WDR75: variants seen among roughly 807,000 people sequenced by gnomAD.
The protein encoded by WDR75 is WD repeat-containing protein 75.
WDR75 carries 52 observed loss-of-function variants against 106.1 expected under a neutral mutation model. The ratio of observed to expected loss-of-function variants is 0.49; its 90% CI spans 0.39 to 0.62. The LOEUF (loss-of-function observed/expected upper bound fraction) is 0.62. Ranked by LOEUF, WDR75 falls within the 20% of genes least tolerant of loss-of-function variation. WDR75 has a pLI of 0.00. For missense variants in WDR75, 905 were observed against 970.3 expected (o/e 0.93, Z 0.89); for synonymous variants, 333 against 335.5 (o/e 0.99, Z 0.08).
chr2:189,452,090 T>C (rs1367860795), intron 4 of WDR75, 195 bp downstream of exon 4: 1 of 510,344 alleles, frequency 2.0e-6, no homozygotes, highest in Non-Finnish European at 3.5e-6. Context: ...GGAGGGATTA[T>C]TTTTTATGTG....
chr2:189,450,217 G>C lies in WDR75; in HGVS notation c.217-686G>C. The C allele has an allele frequency of 3.0e-6, 3 of 985,386 alleles. No homozygotes were observed. The African/African-American group carries it at 5.2e-5, about 17-fold the overall frequency. 61.0% of individuals were successfully genotyped at this position (985,386 alleles called of 1,614,324 possible). A position where few individuals can be genotyped will look rare whatever the true frequency, so the allele number is the denominator to read the frequency against. On this transcript the variant is annotated intron_variant, in intron 2 of 20. Coordinates refer to ENST00000314761, the MANE Select transcript of WDR75 (RefSeq NM_032168.3). The stretch of plus-strand genomic sequence containing the variant: ...GATGGATTGGAAGAAATTTTTTTAA[G>C]CAGAATATTCTTCAGTCACTTGAGA...
rs1350414216 is a variant in WDR75, at chr2:189,462,420, AT to A, written c.779-63del. ...GGTAGCAAAAACAAAAGTGTTAATTATATTTTTCTTTCTCTTTTTTCCTCAA... is the reference window on the plus strand; with the variant it reads ...GGTAGCAAAAACAAAAGTGTTAATTAATTTTTCTTTCTCTTTTTTCCTCAA... On this transcript the variant is annotated intron_variant, in intron 8 of 20. Transcript: ENST00000314761. 16 of 1,565,438 alleles carry A rather than the reference AT, an allele frequency of 1.0e-5. 1 individual carries two copies. In the South Asian group the frequency reaches 1.2e-4, roughly 11 times the overall value.
rs538721609 is a variant in WDR75, at chr2:189,466,580, A to G, written c.1445A>G (p.Tyr482Cys). The G allele has an allele frequency of 3.1e-6, 5 of 1,599,468 alleles. No individual in the cohort carries two copies. Among genetic ancestry groups the G allele is most frequent in the Middle Eastern group, 3.3e-4 (2 of 5,982 alleles). ...VWILTDDSDI[Y>C]KKAVGWTCDF... ...ATATTAACAGATGACTCTGACATAT[A>G]CAGTAAGTTATTAAATATGTTATGT... Residue 482 changes from tyrosine (Y) to cysteine (C), a missense_variant and splice_region_variant, in exon 13 of 21, where the codon TAC (tyrosine) becomes TGC (cysteine). By Grantham distance (194) the Tyr-to-Cys change is radical (BLOSUM62 -2). Coordinates refer to ENST00000314761, the MANE Select transcript of WDR75 (RefSeq NM_032168.3).
chr2:189,463,481 C>T (rs559819194), intron 9 of WDR75, among the ~76,000 whole-genome samples: 4 of 151,978 alleles, frequency 2.6e-5, no homozygotes, highest in African/African-American at 4.8e-5. Context: ...TTTGGCTTCC[C>T]TGAGCCACAT....
At position 189,475,350 on chromosome 2, in the gene WDR75, C is replaced by A; in HGVS notation, c.2426C>A (p.Ser809Ter). The A allele has an allele frequency of 6.2e-7, 1 of 1,612,332 alleles. No individual in the cohort carries two copies. Among genetic ancestry groups the A allele is most frequent in the South Asian group, 1.1e-5 (1 of 90,606 alleles). ...GLGEDIIHQL[S>*]KSEEKELRKF... ...GGAGAAGACATTATACATCAGTTGT[C>A]AAAATCTGAAGAAAAAGAACTGAGA... The change falls in exon 21 of 21, where the codon TCA becomes TAA. Residue 809 changes from serine to a stop codon, truncating the protein, a stop_gained. Transcript: ENST00000314761. LOFTEE classifies it high-confidence loss of function.
chr2:189,459,692 T>C (rs1382467412), intron 8 of WDR75, among the ~76,000 whole-genome samples: 3 of 152,256 alleles, frequency 2.0e-5, no homozygotes, highest in Non-Finnish European at 2.9e-5. Flanking sequence ...TTTGAAGGTA[T>C]ATCTGTCTAC....
At chr2:189,469,537 A>T in intron 16 of WDR75, 98 bp downstream of exon 16, 1 of 968,370 alleles carries the variant, frequency 1.0e-6, no homozygotes, top group Admixed American at 2.2e-5. Flanking sequence ...TCAGATGTTA[A>T]TTGGAAGCCA....
intron 8 of WDR75, among the ~76,000 whole-genome samples, chr2:189,460,666 A>G (rs1412168807): frequency 1.5e-5 from 2 of 133,576 alleles, no homozygotes; most frequent in Non-Finnish European, 3.1e-5. Flanking sequence ...CACCACGCCC[A>G]GCTAATTATT....
At chr2:189,464,828 A>G (rs539296346) in intron 11 of WDR75, among the ~76,000 whole-genome samples, 12 of 152,246 alleles carry the variant, frequency 7.9e-5, no homozygotes, top group Non-Finnish European at 1.6e-4. Flanking sequence ...GGTGTTAGTA[A>G]TCGCTAATAT....
chr2:189,447,027 GAC>G (rs1194838733), intron 1 of WDR75, among the ~76,000 whole-genome samples: 1 of 152,186 alleles, frequency 6.6e-6, no homozygotes, highest in Non-Finnish European at 1.5e-5. Flanking sequence ...TCTCAGGTGA[GAC>G]AAGGGAATTC....
At chr2:189,450,326 A>C in intron 2 of WDR75, 1 of 983,716 alleles carries the variant, frequency 1.0e-6, no homozygotes, top group South Asian at 4.7e-5. Flanking sequence ...AAGAGCAACA[A>C]GCTCTTGTGT....
chr2:189,442,311 A>G (rs1686391389), intron 1 of WDR75, among the ~76,000 whole-genome samples: 3 of 152,252 alleles, frequency 2.0e-5, no homozygotes, highest in African/African-American at 7.2e-5. Flanking sequence ...TGTAGCTGTA[A>G]TCATTATTAC....
At chr2:189,442,988 A>C (rs1041580890) in intron 1 of WDR75, among the ~76,000 whole-genome samples, 2 of 152,196 alleles carry the variant, frequency 1.3e-5, no homozygotes, top group African/African-American at 4.8e-5. Context: ...CATTATAATG[A>C]GGTCCATTGT....
chr2:189,456,407 G>A (rs748378107), intron 5 of WDR75, among the ~76,000 whole-genome samples: 4 of 152,074 alleles, frequency 2.6e-5, no homozygotes, highest in Non-Finnish European at 5.9e-5. Flanking sequence ...ATAAACAAAT[G>A]TGATATGCAT....
intron 16 of WDR75, 108 bp downstream of exon 16, chr2:189,469,547 ATTTTGC>A: frequency 1.1e-6 from 1 of 894,186 alleles, no homozygotes; most frequent in East Asian, 2.6e-5. Flanking sequence ...ATTGGAAGCC[ATTTTGC>A]TTGAGGCACG....
chr2:189,469,560 C>CA, intron 16 of WDR75, 121 bp downstream of exon 16: 1 of 737,720 alleles, frequency 1.4e-6, no homozygotes. Flanking sequence ...TTGCTTGAGG[C>CA]ACGGCCCTTC....
Position 189,468,194 on chromosome 2 carries a change from C to CTGTACGTTTCA in WDR75, c.1629-275_1629-265dup, listed in dbSNP as rs1687044024. 5.9e-5 allele frequency among the ~76,000 whole-genome samples: 9 copies of CTGTACGTTTCA among 152,228 alleles called. No individual in the cohort carries two copies. The South Asian group carries it at 1.7e-3, about 28-fold the overall frequency. On this transcript the variant is annotated intron_variant, in intron 14 of 20. Coordinates refer to ENST00000314761, the MANE Select transcript of WDR75 (RefSeq NM_032168.3). ...GGTAAATAGGATTTTTGTCAGATGACTGTACGTTTCATGTACATTTTCTCT... is the reference window on the plus strand; with the variant it reads ...GGTAAATAGGATTTTTGTCAGATGACTGTACGTTTCATGTACGTTTCATGTACATTTTCTCT...
intron 18 of WDR75, 66 bp from the exon 19 acceptor site, chr2:189,474,120 C>A: frequency 6.6e-7 from 1 of 1,503,806 alleles, no homozygotes; most frequent in Non-Finnish European, 9.0e-7. Flanking sequence ...GTAGTACTTA[C>A]TGTTAAGTCA....
chr2:189,466,258 C>T (rs1421922612), intron 12 of WDR75, among the ~76,000 whole-genome samples, 167 bp from the exon 13 acceptor site: 6 of 152,230 alleles, frequency 3.9e-5, no homozygotes, highest in South Asian at 2.1e-4. Flanking sequence ...GAACTCTTTG[C>T]GTCCTGTGGC....
Sources: gnomAD v4.1 joint callset for allele counts (sites outside exome capture counted in the v4.1 genomes callset) on GRCh38, gnomAD v4.1.1 for gene constraint, MANE v1.5 for transcripts, NCBI Gene and HGNC (gene_info 2026-07-23, HGNC 2026-07-21) for gene names.